FAM163A: variants seen among roughly 807,000 people sequenced by gnomAD.
FAM163A encodes the protein protein FAM163A.
A neutral mutation model predicts 12.0 loss-of-function variants in FAM163A; 7 were observed. The ratio of observed to expected loss-of-function variants is 0.58; its 90% CI spans 0.33 to 1.10. The LOEUF (loss-of-function observed/expected upper bound fraction) is 1.10. Among genes scored for constraint, FAM163A ranks in the 50% least tolerant of loss-of-function variants. FAM163A has a pLI of 0.03. For missense variants in FAM163A, 202 were observed against 218.6 expected, an observed-to-expected ratio of 0.92 and a Z score of 0.48; for synonymous variants, 101 against 91.0, an observed-to-expected ratio of 1.11 and a Z score of -0.62.
the FAM163A span, chr1:179,730,463 G>C: frequency 6.6e-6 from 1 of 152,220 alleles, no homozygotes; most frequent in Non-Finnish European, 1.5e-5. Flanking sequence ...AGGACTGGCA[G>C]TAAGTTTCTT....
At chr1:179,793,937 C>T (rs1321743659) in intron 1 of FAM163A, among the ~76,000 whole-genome samples, 1 of 152,142 alleles carries the variant, frequency 6.6e-6, no homozygotes, top group Non-Finnish European at 1.5e-5. Context: ...TATTGCTGTC[C>T]CCTTAAAGTC....
At chr1:179,790,621 T>G (rs1045257315) in intron 1 of FAM163A, among the ~76,000 whole-genome samples, 5 of 152,252 alleles carry the variant, frequency 3.3e-5, no homozygotes, top group African/African-American at 1.2e-4. Flanking sequence ...CTGATCTGGA[T>G]GGATGGCAGT....
intron 1 of FAM163A, among the ~76,000 whole-genome samples, chr1:179,801,346 T>C (rs1693145672): frequency 6.6e-6 from 1 of 152,116 alleles, no homozygotes; most frequent in Non-Finnish European, 1.5e-5. Flanking sequence ...GTCCCTGATC[T>C]GACCACCACC....
At chr1:179,770,593 T>A (rs1025641222) in intron 1 of FAM163A, among the ~76,000 whole-genome samples, 1 of 152,120 alleles carries the variant, frequency 6.6e-6, no homozygotes, top group African/African-American at 2.4e-5. Flanking sequence ...CACCCTGAAA[T>A]TCTTTCAGTT....
At chr1:179,755,937 C>G (rs1433912666) in intron 1 of FAM163A, among the ~76,000 whole-genome samples, 1 of 152,192 alleles carries the variant, frequency 6.6e-6, no homozygotes. Context: ...AGGATAGGCT[C>G]TCACTGTGGC....
chr1:179,739,248 G>A (rs767447195), upstream of FAM163A, among the ~76,000 whole-genome samples: 4 of 152,024 alleles, frequency 2.6e-5, no homozygotes, highest in Non-Finnish European at 4.4e-5. Context: ...GGGGTTTAGG[G>A]CTAGCCAGAA....
At chr1:179,795,415 G>A (rs1237278023) in intron 1 of FAM163A, among the ~76,000 whole-genome samples, 2 of 152,214 alleles carry the variant, frequency 1.3e-5, no homozygotes. Flanking sequence ...TAGGCCATGA[G>A]GGCTGTGCCT....
chr1:179,744,705 C>A (rs79400862), intron 1 of FAM163A, among the ~76,000 whole-genome samples: 3,162 of 152,272 alleles, frequency 0.021, 109 homozygotes, highest in African/African-American at 0.073. Context: ...CAGGCACTTT[C>A]TCCTGTCATT....
intron 1 of FAM163A, among the ~76,000 whole-genome samples, chr1:179,768,008 C>T (rs139509797): frequency 1.6e-3 from 249 of 152,124 alleles, no homozygotes; most frequent in African/African-American, 5.9e-3. Context: ...TCCCCTCTCC[C>T]CTTCCCTCAG....
upstream of FAM163A, among the ~76,000 whole-genome samples, chr1:179,738,325 T>C (rs1423214911): frequency 6.6e-6 from 1 of 152,248 alleles, no homozygotes; most frequent in African/African-American, 2.4e-5. Flanking sequence ...CATTGCACAT[T>C]ATATACTTGT....
intron 1 of FAM163A, among the ~76,000 whole-genome samples, chr1:179,752,927 C>A (rs1685484120): frequency 6.6e-6 from 1 of 152,100 alleles, no homozygotes; most frequent in Non-Finnish European, 1.5e-5. Context: ...CCATATGATC[C>A]ATCAATCTCA....
chr1:179,799,965 G>A (rs1407748064), intron 1 of FAM163A, among the ~76,000 whole-genome samples: 2 of 152,234 alleles, frequency 1.3e-5, no homozygotes. Flanking sequence ...TTGAGGTGCT[G>A]TGTGACACTC....
the FAM163A span, among the ~76,000 whole-genome samples, chr1:179,729,424 G>A: frequency 6.6e-6 from 1 of 152,182 alleles, no homozygotes; most frequent in South Asian, 2.1e-4. Context: ...GGATACTCAG[G>A]TGAAACAGTT....
At chr1:179,795,182 A>G (rs1692103941) in intron 1 of FAM163A, among the ~76,000 whole-genome samples, 1 of 152,212 alleles carries the variant, frequency 6.6e-6, no homozygotes, top group South Asian at 2.1e-4. Context: ...TCATTATAAA[A>G]CAGCCGGGCA....
chr1:179,807,568 A>G (rs1006023835), intron 1 of FAM163A, among the ~76,000 whole-genome samples: 32 of 152,212 alleles, frequency 2.1e-4, no homozygotes, highest in Non-Finnish European at 4.0e-4. Context: ...GCAGCAGCAC[A>G]GAGGGAAGGA....
chr1:179,767,674 A>T (rs1010227839), intron 1 of FAM163A, among the ~76,000 whole-genome samples: 3 of 152,114 alleles, frequency 2.0e-5, no homozygotes, highest in African/African-American at 7.2e-5. Context: ...CCCTACCTGC[A>T]GCCTGCTGCT....
chr1:179,755,431 G>T (rs888819977), intron 1 of FAM163A, among the ~76,000 whole-genome samples: 4 of 152,206 alleles, frequency 2.6e-5, no homozygotes, highest in Admixed American at 2.6e-4. Flanking sequence ...TTGTGGCTAG[G>T]ATGTCACAGA....
At chr1:179,804,968 A>T (rs1242975898) in intron 1 of FAM163A, among the ~76,000 whole-genome samples, 2 of 152,236 alleles carry the variant, frequency 1.3e-5, no homozygotes, top group African/African-American at 2.4e-5. Flanking sequence ...AAAGTTTTTT[A>T]AAAAGACACA....
rs1440876398 is a variant in FAM163A, at chr1:179,813,761, C to T, written c.94-18C>T. On this transcript the variant is annotated intron_variant, in intron 4 of 4. Transcript: ENST00000341785. Reference sequence around the variant, plus strand: ...GGAGCATTCACCCTCTCAGGCATCCCTCTGCCCTTCCGCACAGTATTACTG... The same window carrying T: ...GGAGCATTCACCCTCTCAGGCATCCTTCTGCCCTTCCGCACAGTATTACTG... 1.9e-6 allele frequency: 3 copies of T among 1,613,428 alleles called. No individual in the cohort carries two copies. Among genetic ancestry groups the T allele is most frequent in the East Asian group, 2.2e-5 (1 of 44,872 alleles).
Sources: allele counts gnomAD v4.1 joint callset (sites outside exome capture counted in the v4.1 genomes callset), GRCh38; gene constraint gnomAD v4.1.1; transcripts MANE v1.5; gene names NCBI Gene and HGNC (gene_info 2026-07-23, HGNC 2026-07-21).